The following RPAP2 variants were observed in gnomAD, a reference collection of about 807,000 sequenced individuals.
RPAP2 encodes RNA polymerase II associated protein 2.
In RPAP2, 52 loss-of-function variants were observed where a neutral mutation model predicts 73.1. The ratio of observed to expected loss-of-function variants is 0.71; its 90% CI spans 0.57 to 0.90. RPAP2 has a LOEUF of 0.90. Among genes scored for constraint, RPAP2 ranks in the 40% least tolerant of loss-of-function variants. The pLI is 0.00. For missense variants in RPAP2, 598 were observed against 701.8 expected, an observed-to-expected ratio of 0.85 and a Z score of 1.67; for synonymous variants, 225 against 242.1, an observed-to-expected ratio of 0.93 and a Z score of 0.65.
chr1:92,328,997 C>T (rs1354667767), intron 8 of RPAP2, among the ~76,000 whole-genome samples: 2 of 152,186 alleles, frequency 1.3e-5, no homozygotes, highest in South Asian at 2.1e-4. Flanking sequence ...TGATGTGATC[C>T]GTCTTCAGCT....
intron 12 of RPAP2, among the ~76,000 whole-genome samples, chr1:92,386,711 T>G (rs994281839): frequency 1.3e-5 from 2 of 151,492 alleles, no homozygotes; most frequent in African/African-American, 4.8e-5. Flanking sequence ...GTTTTTTGGG[T>G]TTTTTTTGAG....
At position 92,323,939 on chromosome 1, in the gene RPAP2, A is replaced by G; in HGVS notation, c.1019A>G (p.Lys340Arg). ...SKKSAEHFKR[K>R]FAKSNQVSRS... ...AAAAGTGCAGAGCATTTTAAGAGAA[A>G]ATTTGCCAAATCAAACCAAGTGTCT... The change falls in exon 8 of 13, where the codon AAA (lysine) becomes AGA (arginine). Residue 340 changes from lysine to arginine, a missense_variant. Physicochemically the swap from Lys to Arg is conservative, Grantham distance 26 (BLOSUM62 2). Coordinates refer to ENST00000610020, the MANE Select transcript of RPAP2 (RefSeq NM_024813.3). 1 of 1,614,174 alleles carries G rather than the reference A, an allele frequency of 6.2e-7. No homozygotes were observed. The highest frequency in any genetic ancestry group is 2.2e-5 in the East Asian group (1 of 44,876).
intron 3 of RPAP2, among the ~76,000 whole-genome samples, chr1:92,302,590 AT>A (rs36067595): frequency 0.01 from 746 of 74,242 alleles, 1 homozygote; most frequent in African/African-American, 0.04. Flanking sequence ...TCCGCATTAA[AT>A]TTTTTTTTTT....
In RPAP2 at chr1:92,348,990, C is replaced by G. The variant is rs544219310; in HGVS notation, c.1688+3076C>G. 2.0e-5 allele frequency among the ~76,000 whole-genome samples: 3 copies of G among 152,308 alleles called. No homozygotes were observed. The East Asian group carries it at 5.8e-4, about 29-fold the overall frequency. On this transcript the variant is annotated intron_variant, in intron 11 of 12. Transcript: ENST00000610020. ...GCACATATAAAGAGAAAGGACGAAA[C>G]ACATGCACACGTTATTTGTGGAGAA...
At chr1:92,343,020 A>C (rs1311850013) in intron 10 of RPAP2, among the ~76,000 whole-genome samples, 2 of 152,212 alleles carry the variant, frequency 1.3e-5, no homozygotes, top group Admixed American at 6.5e-5. Context: ...GAGAGTTGTC[A>C]GCATATAGTT....
chr1:92,401,670 G>C lies in RPAP2; in HGVS notation c.*14659G>C, dbSNP rs1334229903. The C allele has an allele frequency of 1.3e-5, 2 of 152,134 alleles. No homozygotes were observed. The highest frequency in any genetic ancestry group is 2.9e-5 in the Non-Finnish European group (2 of 68,016). The allele number at this position is 152,134 out of a possible 1,614,324, so 9.4% of individuals were successfully genotyped here. On this transcript the variant is annotated 3_prime_UTR_variant, in exon 13 of 13. Transcript: ENST00000610020. ...ACAATGTCAGCTGTAAGTTTTCCTA[G>C]AGACCCTTTCTCAGCTTGAAGATGT...
At chr1:92,377,445 G>C (rs935730633) in intron 11 of RPAP2, among the ~76,000 whole-genome samples, 1 of 151,524 alleles carries the variant, frequency 6.6e-6, no homozygotes, top group African/African-American at 2.4e-5. Context: ...TTGAACCTGG[G>C]AGGCGGAGGT....
In RPAP2 at chr1:92,398,678, C is replaced by T. The variant is rs949897924; in HGVS notation, c.*11667C>T. 6.6e-6 allele frequency: 1 copy of T among 152,200 alleles called. No individual in the cohort carries two copies. Among genetic ancestry groups the T allele is most frequent in the African/African-American group, 2.4e-5 (1 of 41,430 alleles). 9.4% of individuals were successfully genotyped at this position (152,200 alleles called of 1,614,324 possible). On this transcript the variant is annotated 3_prime_UTR_variant, in exon 13 of 13. Coordinates refer to ENST00000610020, the MANE Select transcript of RPAP2 (RefSeq NM_024813.3). Reference sequence around the variant, plus strand: ...TCTGAGTTAGGACTGGCTCCTGGGACTTTGCCATCCAGGCCAAGAAGCATG... The same window carrying T: ...TCTGAGTTAGGACTGGCTCCTGGGATTTTGCCATCCAGGCCAAGAAGCATG...
At chr1:92,356,534 T>G (rs1266710452) in intron 11 of RPAP2, among the ~76,000 whole-genome samples, 1 of 151,110 alleles carries the variant, frequency 6.6e-6, no homozygotes, top group East Asian at 2.0e-4. Context: ...TCCTCCTGCC[T>G]CAGCCTTCCA....
chr1:92,323,743 G>A lies in RPAP2; in HGVS notation c.823G>A (p.Gly275Ser), dbSNP rs780730704. The change falls in exon 8 of 13, where the codon GGC becomes AGC. Residue 275 changes from glycine to serine, a missense_variant. Gly to Ser is a moderately conservative substitution (Grantham distance 56). This residue lies in a region of RPAP2 where 506 missense variants were observed against 612.8 expected (regional missense o/e 0.83). Transcript: ENST00000610020. ...QTVVDVTEQL[G>S]DCKLDSQEKD... Reference sequence around the variant, plus strand: ...AGTAGTAGATGTCACTGAGCAGTTAGGCGATTGCAAATTAGATAGTCAGGA... The same window carrying A: ...AGTAGTAGATGTCACTGAGCAGTTAAGCGATTGCAAATTAGATAGTCAGGA... 2 of 1,614,126 alleles carry A rather than the reference G, an allele frequency of 1.2e-6. No individual in the cohort carries two copies. Among genetic ancestry groups the A allele is most frequent in the Non-Finnish European group, 1.7e-6 (2 of 1,180,018 alleles).
At chr1:92,331,826 G>C (rs1296387878) in intron 8 of RPAP2, among the ~76,000 whole-genome samples, 2 of 151,916 alleles carry the variant, frequency 1.3e-5, no homozygotes, top group Non-Finnish European at 2.9e-5. Context: ...AGTATCAGTT[G>C]ATAAAGAATT....
intron 7 of RPAP2, among the ~76,000 whole-genome samples, chr1:92,321,506 CT>C (rs1419061772): frequency 6.6e-6 from 1 of 151,892 alleles, no homozygotes; most frequent in Non-Finnish European, 1.5e-5. Context: ...CCACAGCTTG[CT>C]TCTTGACCCA....
chr1:92,342,330 G>A (rs929762094), intron 10 of RPAP2, among the ~76,000 whole-genome samples: 13 of 152,176 alleles, frequency 8.5e-5, no homozygotes, highest in Non-Finnish European at 1.8e-4. Flanking sequence ...GAGCAGGCCT[G>A]GTGTATTCAC....
chr1:92,302,590 ATTTTTTTTTTTTTTT>A (rs36067595), intron 3 of RPAP2, among the ~76,000 whole-genome samples: 2 of 74,316 alleles, frequency 2.7e-5, no homozygotes, highest in Non-Finnish European at 4.6e-5. Flanking sequence ...TCCGCATTAA[ATTTTTTTTTTTTTTT>A]TTTTTTTTTT....
Position 92,305,432 on chromosome 1 carries a change from C to CAAAAAAAAAAAAAAAAAAA in RPAP2, c.399+1084_399+1102dup, listed in dbSNP as rs71091273. ...GGGGCAACAGAGTGAGGCTCCGTCT[C>CAAAAAAAAAAAAAAAAAAA]AAAAAAAAAAAAAAAAAAAGACAAT... is the stretch of plus-strand genomic sequence containing the variant. On this transcript the variant is annotated intron_variant, in intron 5 of 12. Coordinates refer to ENST00000610020, the MANE Select transcript of RPAP2 (RefSeq NM_024813.3). 8.0e-4 allele frequency among the ~76,000 whole-genome samples: 42 copies of CAAAAAAAAAAAAAAAAAAA among 52,676 alleles called. 1 individual carries two copies. Among genetic ancestry groups the CAAAAAAAAAAAAAAAAAAA allele is most frequent in the African/African-American group, 2.4e-3 (18 of 7,524 alleles). The allele number at this position is 52,676 out of a possible 152,430, so 34.6% of individuals were successfully genotyped here. A position where few individuals can be genotyped will look rare whatever the true frequency, so the allele number is the denominator to read the frequency against.
chr1:92,357,822 A>T (rs942362687), intron 11 of RPAP2, among the ~76,000 whole-genome samples: 3 of 152,228 alleles, frequency 2.0e-5, no homozygotes, highest in African/African-American at 7.2e-5. Context: ...GTGAGCCACC[A>T]TACCCTGCCC....
chr1:92,326,262 T>C (rs1652621170), intron 8 of RPAP2, among the ~76,000 whole-genome samples: 1 of 152,186 alleles, frequency 6.6e-6, no homozygotes, highest in African/African-American at 2.4e-5. Flanking sequence ...GATGAATAAA[T>C]TCAGCACTAT....
At chr1:92,380,393 T>G (rs1557633734) in intron 11 of RPAP2, among the ~76,000 whole-genome samples, 1 of 152,238 alleles carries the variant, frequency 6.6e-6, no homozygotes, top group Admixed American at 6.5e-5. Context: ...AAAGCAATTC[T>G]CAGCTCTAAA....
intron 3 of RPAP2, among the ~76,000 whole-genome samples, chr1:92,302,589 AAT>A (rs1650930691): frequency 1.1e-5 from 1 of 92,268 alleles, no homozygotes; most frequent in African/African-American, 3.6e-5. Flanking sequence ...TTCCGCATTA[AAT>A]TTTTTTTTTT....
Sources: allele counts gnomAD v4.1 joint callset (sites outside exome capture counted in the v4.1 genomes callset), GRCh38; gene constraint gnomAD v4.1.1; regional missense constraint gnomAD v4.1.1; transcripts MANE v1.5; gene names NCBI Gene and HGNC (gene_info 2026-07-23, HGNC 2026-07-21).